Variants in STK32B observed in about 807,000 individuals in gnomAD.
The protein encoded by STK32B is serine/threonine-protein kinase 32B.
STK32B carries 43 observed loss-of-function variants against 52.6 expected under a neutral mutation model. That is an observed-to-expected ratio of 0.82 (90% CI 0.64 to 1.05). STK32B has a LOEUF of 1.05. STK32B is among the 50% of genes least tolerant of loss of function. The pLI, the probability that STK32B is intolerant of heterozygous loss-of-function variation, is 0.00. For missense variants in STK32B, 621 were observed against 534.6 expected, an observed-to-expected ratio of 1.16 and a Z score of -1.59; for synonymous variants, 238 against 204.3, an observed-to-expected ratio of 1.17 and a Z score of -1.41.
At chr4:5,277,103 C>G (rs1252134983) in intron 3 of STK32B, among the ~76,000 whole-genome samples, 1 of 152,192 alleles carries the variant, frequency 6.6e-6, no homozygotes, top group African/African-American at 2.4e-5. Context: ...ATTCGAAAGA[C>G]AACAGGTTGG....
chr4:5,168,851 C>A (rs753758749), intron 3 of STK32B, among the ~76,000 whole-genome samples: 1 of 152,196 alleles, frequency 6.6e-6, no homozygotes, highest in Non-Finnish European at 1.5e-5. Flanking sequence ...GTACAGATGG[C>A]TGCCCATCAC....
At chr4:5,253,644 G>A (rs1726098224) in intron 3 of STK32B, among the ~76,000 whole-genome samples, 1 of 152,000 alleles carries the variant, frequency 6.6e-6, no homozygotes, top group African/African-American at 2.4e-5. Flanking sequence ...CAAAGTGCTG[G>A]GATTACAGGC....
At position 5,474,567 on chromosome 4, in the gene STK32B, C is replaced by G. The variant is rs1014348939; in HGVS notation, c.1106+6497C>G. Among the ~76,000 whole-genome samples, 3 of 152,348 alleles carry G rather than the reference C, an allele frequency of 2.0e-5. No individual in the cohort carries two copies. The South Asian group carries it at 6.2e-4, about 32-fold the overall frequency. On this transcript the variant is annotated intron_variant, in intron 11 of 11. Coordinates refer to ENST00000282908, the MANE Select transcript of STK32B (RefSeq NM_018401.3). ...CCCTTTGCACTTAGTCCCTTCCCCA[C>G]AAACCTCACTGCTGGGAAGTAGCAA...
At chr4:5,154,150 A>G (rs550902201) in intron 2 of STK32B, among the ~76,000 whole-genome samples, 5 of 152,094 alleles carry the variant, frequency 3.3e-5, no homozygotes, top group Admixed American at 6.5e-5. Flanking sequence ...ATGAATAATA[A>G]TGGAATTTGA....
chr4:5,492,087 TTAAAG>T (rs1275387963), intron 11 of STK32B, among the ~76,000 whole-genome samples: 1 of 152,130 alleles, frequency 6.6e-6, no homozygotes, highest in Non-Finnish European at 1.5e-5. Context: ...CATATGAACT[TTAAAG>T]TAGTTTTTTC....
At chr4:5,357,998 A>G (rs186374324) in intron 4 of STK32B, among the ~76,000 whole-genome samples, 191 of 152,324 alleles carry the variant, frequency 1.3e-3, no homozygotes, top group African/African-American at 4.3e-3. Context: ...ATTTAGGATG[A>G]AAATTCCAAT....
intron 3 of STK32B, among the ~76,000 whole-genome samples, chr4:5,175,322 C>G (rs567776383): frequency 2.6e-5 from 4 of 152,328 alleles, no homozygotes; most frequent in Middle Eastern, 3.4e-3. Context: ...TATTCTCTGT[C>G]CAGCTTTGTT....
At chr4:5,313,144 TATC>T (rs1166949789) in intron 3 of STK32B, among the ~76,000 whole-genome samples, 1 of 151,058 alleles carries the variant, frequency 6.6e-6, no homozygotes, top group Non-Finnish European at 1.5e-5. Flanking sequence ...TCCAACCTAT[TATC>T]AAGTAGAATC....
intron 2 of STK32B, among the ~76,000 whole-genome samples, chr4:5,164,773 A>T (rs1390465340): frequency 6.6e-6 from 1 of 152,222 alleles, no homozygotes; most frequent in African/African-American, 2.4e-5. Flanking sequence ...GCTCAGGAGT[A>T]GCCCCTGAGC....
At chr4:5,159,630 AATATATAT>A (rs1318524989) in intron 2 of STK32B, among the ~76,000 whole-genome samples, 1 of 80,852 alleles carries the variant, frequency 1.2e-5, no homozygotes, top group African/African-American at 7.6e-5. Context: ...AATATATATG[AATATATAT>A]ATGAATGTAT....
intron 3 of STK32B, among the ~76,000 whole-genome samples, chr4:5,231,949 G>C (rs1190973967): frequency 6.6e-6 from 1 of 152,180 alleles, no homozygotes; most frequent in South Asian, 2.1e-4. Flanking sequence ...ACAGAAGAAA[G>C]GATCCCATAA....
chr4:5,393,497 G>T (rs548057021), intron 4 of STK32B, among the ~76,000 whole-genome samples: 58 of 152,316 alleles, frequency 3.8e-4, no homozygotes, highest in Middle Eastern at 6.8e-3. Context: ...AGTACAGGAA[G>T]CATGGCAGCA....
At chr4:5,293,104 C>A (rs886947521) in intron 3 of STK32B, among the ~76,000 whole-genome samples, 1 of 152,044 alleles carries the variant, frequency 6.6e-6, no homozygotes, top group East Asian at 1.9e-4. Context: ...ATCCGTGTCC[C>A]TGCAAAAGAC....
intron 3 of STK32B, among the ~76,000 whole-genome samples, chr4:5,239,388 G>A (rs940041884): frequency 1.1e-4 from 17 of 152,100 alleles, no homozygotes; most frequent in African/African-American, 3.9e-4. Context: ...GGTCGGCACC[G>A]TCTGTCCAGG....
chr4:5,495,791 A>C (rs1422111939), intron 11 of STK32B, among the ~76,000 whole-genome samples: 1 of 152,094 alleles, frequency 6.6e-6, no homozygotes, highest in East Asian at 1.9e-4. Context: ...TTTTCCTTCT[A>C]ACAGACAGGA....
At chr4:5,164,251 A>G (rs1364965200) in intron 2 of STK32B, among the ~76,000 whole-genome samples, 1 of 152,156 alleles carries the variant, frequency 6.6e-6, no homozygotes, top group African/African-American at 2.4e-5. Flanking sequence ...GTCCCATGCC[A>G]TCACCCAGCT....
At chr4:5,454,149 G>A (rs1042272644) in intron 7 of STK32B, among the ~76,000 whole-genome samples, 7 of 152,152 alleles carry the variant, frequency 4.6e-5, no homozygotes, top group African/African-American at 1.4e-4. Flanking sequence ...CGCTCATGCC[G>A]GGCCCCATCT....
chr4:5,021,354 C>T, the STK32B span, among the ~76,000 whole-genome samples: 1,100 of 152,322 alleles, frequency 7.2e-3, 54 homozygotes, highest in Admixed American at 0.062. Context: ...ATAGGGACCG[C>T]GGCCTTCGGG....
intron 4 of STK32B, among the ~76,000 whole-genome samples, chr4:5,360,872 G>A (rs756657778): frequency 3.5e-4 from 54 of 152,172 alleles, no homozygotes; most frequent in Admixed American, 2.4e-3. Context: ...AGATAATTTA[G>A]CACCTTAACA....
Sources: gnomAD v4.1 joint callset for allele counts (sites outside exome capture counted in the v4.1 genomes callset) on GRCh38, gnomAD v4.1.1 for gene constraint, MANE v1.5 for transcripts, NCBI Gene and HGNC (gene_info 2026-07-23, HGNC 2026-07-21) for gene names.